Variants in SLC19A2 observed in about 807,000 individuals in gnomAD.
SLC19A2 encodes the protein solute carrier family 19 member 2, also known as thiamine transporter 1.
In SLC19A2, 27 loss-of-function variants were observed where a neutral mutation model predicts 44.7. The observed-to-expected ratio is 0.60, with a 90% CI of 0.45 to 0.83. SLC19A2 has a LOEUF of 0.83. SLC19A2 is among the 40% of genes least tolerant of loss of function. The pLI, the probability that SLC19A2 is intolerant of heterozygous loss-of-function variation, is 0.00. For missense variants in SLC19A2, 566 were observed against 613.7 expected, an observed-to-expected ratio of 0.92 and a Z score of 0.82; for synonymous variants, 239 against 243.6, an observed-to-expected ratio of 0.98 and a Z score of 0.18.
chr1:169,483,278 A>AC (rs1571541385), intron 1 of SLC19A2, among the ~76,000 whole-genome samples: 2 of 152,258 alleles, frequency 1.3e-5, no homozygotes, highest in East Asian at 3.8e-4. Context: ...GCTGAATATG[A>AC]CTTAGCATTA....
rs1379641065 is a variant in SLC19A2, at chr1:169,464,754, G to A, written c.*1095C>T. 6.6e-6 allele frequency: 1 copy of A among 152,440 alleles called. No homozygotes were observed. The highest frequency in any genetic ancestry group is 1.5e-5 in the Non-Finnish European group (1 of 67,996). 9.4% of individuals were successfully genotyped at this position (152,440 alleles called of 1,614,324 possible). A position where few individuals can be genotyped will look rare whatever the true frequency, so the allele number is the denominator to read the frequency against. ...AGATGATCTACCTTTAGAAACAAAG[G>A]CAGATTTAAGGTAAAAAAATGCAGG... On this transcript the variant is annotated 3_prime_UTR_variant, in exon 6 of 6. Coordinates refer to ENST00000236137, the MANE Select transcript of SLC19A2 (RefSeq NM_006996.3).
In SLC19A2 at chr1:169,464,672, A is replaced by T. The variant is rs1242954635; in HGVS notation, c.*1177T>A. The T allele has an allele frequency of 6.6e-6, 1 of 152,626 alleles. No homozygotes were observed. Among genetic ancestry groups the T allele is most frequent in the African/African-American group, 2.4e-5 (1 of 41,458 alleles). 9.5% of individuals were successfully genotyped at this position (152,626 alleles called of 1,614,324 possible). A position where few individuals can be genotyped will look rare whatever the true frequency, so the allele number is the denominator to read the frequency against. On this transcript the variant is annotated 3_prime_UTR_variant, in exon 6 of 6. Coordinates refer to ENST00000236137, the MANE Select transcript of SLC19A2 (RefSeq NM_006996.3). ...TGATTTCAGAATTAAATGCATATAG[A>T]ACATTTTTTCAAGTAACTTGGTAAT...
At chr1:169,466,083 C>T (rs1016148202) in intron 5 of SLC19A2, 106 bp from the exon 6 acceptor site, 88 of 1,328,274 alleles carry the variant, frequency 6.6e-5, no homozygotes, top group Non-Finnish European at 9.0e-5. Context: ...ATATTGCATA[C>T]TTACACCACG....
intron 1 of SLC19A2, among the ~76,000 whole-genome samples, chr1:169,483,176 G>A (rs1185022525): frequency 6.6e-6 from 1 of 152,070 alleles, no homozygotes; most frequent in Non-Finnish European, 1.5e-5. Flanking sequence ...CTCTCCTTTT[G>A]TTTTAGGATT....
In SLC19A2 at chr1:169,465,726, T is replaced by C. The variant is rs1304113396; in HGVS notation, c.*123A>G. On this transcript the variant is annotated 3_prime_UTR_variant, in exon 6 of 6. Coordinates refer to ENST00000236137, the MANE Select transcript of SLC19A2 (RefSeq NM_006996.3). Reference sequence around the variant, plus strand: ...CCCGGAACACAAGGTATTAGTCAAGTGGCTGCTGTGAAGTCAAGAAATGCA... The same window carrying C: ...CCCGGAACACAAGGTATTAGTCAAGCGGCTGCTGTGAAGTCAAGAAATGCA... 3.0e-6 allele frequency: 3 copies of C among 1,015,932 alleles called. No individual in the cohort carries two copies. The East Asian group carries it at 7.2e-5, about 24-fold the overall frequency. 62.9% of individuals were successfully genotyped at this position (1,015,932 alleles called of 1,614,324 possible).
In SLC19A2 at chr1:169,477,297, G is replaced by A. The variant is rs1323163365; in HGVS notation, c.665C>T (p.Ser222Phe). Residue 222 changes from serine (S) to phenylalanine (F), a missense_variant, in exon 2 of 6, where the codon TCT becomes TTT. Physicochemically the swap from Ser to Phe is radical, Grantham distance 155 (BLOSUM62 -2). Transcript: ENST00000236137. ...QKSLFFHHIP[S>F]TCQRVNGIKV... is the part of the protein sequence containing the mutation. ...GATGCCATTCACTCTCTGGCAGGTA[G>A]AAGGAATGTGGTGAAAGAAGAGGCT... is the stretch of plus-strand genomic sequence containing the variant. The A allele has an allele frequency of 6.2e-7, 1 of 1,614,086 alleles. No individual in the cohort carries two copies. The highest frequency in any genetic ancestry group is 1.1e-5 in the South Asian group (1 of 91,086).
At chr1:169,468,041 G>T in intron 5 of SLC19A2, 70 bp downstream of exon 5, 1 of 1,490,326 alleles carries the variant, frequency 6.7e-7, no homozygotes, top group Non-Finnish European at 9.4e-7. Flanking sequence ...TTTTCATTAA[G>T]CATACATATA....
intron 5 of SLC19A2, among the ~76,000 whole-genome samples, chr1:169,466,794 T>G (rs919946609): frequency 6.6e-6 from 1 of 152,154 alleles, no homozygotes; most frequent in Non-Finnish European, 1.5e-5. Context: ...TTTGGTTTTC[T>G]GTTCCTGTGT....
intron 2 of SLC19A2, among the ~76,000 whole-genome samples, chr1:169,476,952 GAA>G (rs1182633141): frequency 6.6e-6 from 1 of 152,040 alleles, no homozygotes; most frequent in African/African-American, 2.4e-5. Flanking sequence ...CGCACTCCAG[GAA>G]AAAATAAATG....
intron 2 of SLC19A2, among the ~76,000 whole-genome samples, chr1:169,475,456 T>A (rs1445814565): frequency 6.6e-6 from 1 of 152,136 alleles, no homozygotes; most frequent in Non-Finnish European, 1.5e-5. Flanking sequence ...TAAAAATCTT[T>A]AGAACTATGG....
At chr1:169,471,853 T>C (rs545532329) in intron 2 of SLC19A2, among the ~76,000 whole-genome samples, 2 of 152,238 alleles carry the variant, frequency 1.3e-5, no homozygotes, top group South Asian at 4.2e-4. Flanking sequence ...AATCCGAGTT[T>C]CATCGTTGTT....
At position 169,464,401 on chromosome 1, in the gene SLC19A2, T is replaced by C. The variant is rs1238638135; in HGVS notation, c.*1448A>G. The C allele has an allele frequency of 6.6e-6, 1 of 152,252 alleles. No homozygotes were observed. The highest frequency in any genetic ancestry group is 1.9e-4 in the East Asian group (1 of 5,194). 9.4% of individuals were successfully genotyped at this position (152,252 alleles called of 1,614,324 possible). A position where few individuals can be genotyped will look rare whatever the true frequency, so the allele number is the denominator to read the frequency against. On this transcript the variant is annotated 3_prime_UTR_variant, in exon 6 of 6. Transcript: ENST00000236137. ...TTTCCTTTCCCTTAATAGTAAAGGA[T>C]GGTGAATAGAAAATGACCTATTCTT...
chr1:169,468,001 T>C, intron 5 of SLC19A2, 110 bp downstream of exon 5: 1 of 1,102,326 alleles, frequency 9.1e-7, no homozygotes, highest in Non-Finnish European at 1.4e-6. Flanking sequence ...ATGCTTTTAC[T>C]TTACATCTGT....
At chr1:169,467,879 T>C (rs934903883) in intron 5 of SLC19A2, among the ~76,000 whole-genome samples, 1 of 152,178 alleles carries the variant, frequency 6.6e-6, no homozygotes, top group Non-Finnish European at 1.5e-5. Flanking sequence ...AACAGCCCCA[T>C]TGGGCTGATG....
intron 2 of SLC19A2, among the ~76,000 whole-genome samples, chr1:169,474,518 G>C (rs2101778922): frequency 6.6e-6 from 1 of 152,112 alleles, no homozygotes; most frequent in African/African-American, 2.4e-5. Context: ...AGCACCCTTT[G>C]CCCCAATGCA....
rs1480923041 is a variant in SLC19A2 at position 169,464,453 on chromosome 1, C to T, written c.*1396G>A. 1 of 152,106 alleles carries T rather than the reference C, an allele frequency of 6.6e-6. No individual in the cohort carries two copies. The highest frequency in any genetic ancestry group is 2.4e-5 in the African/African-American group (1 of 41,426). 9.4% of individuals were successfully genotyped at this position (152,106 alleles called of 1,614,324 possible). ...TCCCCATCCATTTGCTTCTAGGATT[C>T]CTGCTTAAACCAAATGAGTATGTCG... On this transcript the variant is annotated 3_prime_UTR_variant, in exon 6 of 6. Coordinates refer to ENST00000236137, the MANE Select transcript of SLC19A2 (RefSeq NM_006996.3).
chr1:169,485,665 G>T lies in SLC19A2; in HGVS notation c.102C>A (p.Thr34=). The T allele has an allele frequency of 6.4e-7, 1 of 1,552,960 alleles. No individual in the cohort carries two copies. Reference sequence around the variant, plus strand: ...AGAAGCCGTAGGCGCAGAGCAGCGCGGTCGGCAAGAACCAGCATTCGCGAC... The same window carrying T: ...AGAAGCCGTAGGCGCAGAGCAGCGCTGTCGGCAAGAACCAGCATTCGCGAC... ...RVRRECWFLP[T]ALLCAYGFFA... is the part of the protein sequence containing the mutation. Residue 34 remains threonine (T), a synonymous_variant, in exon 1 of 6, where the codon ACC becomes ACA. Coordinates refer to ENST00000236137, the MANE Select transcript of SLC19A2 (RefSeq NM_006996.3).
rs1657968889 is a variant in SLC19A2 at position 169,465,631 on chromosome 1, A to C, written c.*218T>G. 1.8e-6 allele frequency: 1 copy of C among 556,618 alleles called. No individual in the cohort carries two copies. The highest frequency in any genetic ancestry group is 1.9e-5 in the African/African-American group (1 of 52,910). 34.5% of individuals were successfully genotyped at this position (556,618 alleles called of 1,614,324 possible). On this transcript the variant is annotated 3_prime_UTR_variant, in exon 6 of 6. Transcript: ENST00000236137. Reference sequence around the variant, plus strand: ...TTGAATCAGAAAAAAAGTCATCCTTAAATTAGCTCTCATAAATAATCCATG... The same window carrying C: ...TTGAATCAGAAAAAAAGTCATCCTTCAATTAGCTCTCATAAATAATCCATG...
rs893533094 is a variant in SLC19A2, at chr1:169,485,705, C to T, written c.62G>A (p.Arg21Gln). ...GCATTCGCGACGGACCCGAGCGGTC[C>T]GCAGGAGCACAGTGGCCGCCGCCGC... ...AAAAAATVLL[R>Q]TARVRRECWF... The change falls in exon 1 of 6, where the codon CGG (arginine) becomes CAG (glutamine). Residue 21 changes from arginine (R) to glutamine (Q), a missense_variant. Transcript: ENST00000236137. 4.5e-6 allele frequency: 7 copies of T among 1,543,818 alleles called. No individual in the cohort carries two copies. The African/African-American group carries it at 6.9e-5, about 15-fold the overall frequency.
Sources: gnomAD v4.1 joint callset for allele counts (sites outside exome capture counted in the v4.1 genomes callset) on GRCh38, gnomAD v4.1.1 for gene constraint, MANE v1.5 for transcripts, NCBI Gene and HGNC (gene_info 2026-07-23, HGNC 2026-07-21) for gene names.